The following RGSL1 variants were observed in gnomAD, a reference collection of about 807,000 sequenced individuals.
RGSL1 encodes regulator of G protein signaling like 1, also known as regulator of G protein signaling protein-like.
A neutral mutation model predicts 124.7 loss-of-function variants in RGSL1; 97 were observed. The observed-to-expected ratio is 0.78, with a 90% CI of 0.66 to 0.92. The LOEUF (loss-of-function observed/expected upper bound fraction) is 0.92. Ranked by LOEUF, RGSL1 falls within the 40% of genes least tolerant of loss-of-function variation. RGSL1 has a pLI of 0.00. For synonymous variants in RGSL1, 424 were observed against 438.1 expected (o/e 0.97, Z 0.40); for missense variants, 1,233 against 1,288.4 (o/e 0.96, Z 0.66).
chr1:182,495,596 C>T (rs758250690), intron 9 of RGSL1, among the ~76,000 whole-genome samples: 5 of 152,176 alleles, frequency 3.3e-5, no homozygotes, highest in Non-Finnish European at 5.9e-5. Context: ...TGCACAGGTT[C>T]GCCGCCAAAG....
intron 6 of RGSL1, among the ~76,000 whole-genome samples, chr1:182,487,781 G>A (rs940077735): frequency 2.0e-5 from 3 of 152,196 alleles, no homozygotes; most frequent in Non-Finnish European, 4.4e-5. Flanking sequence ...ATGAATGAAT[G>A]AATGAAACTG....
At chr1:182,555,015 C>A in intron 20 of RGSL1, 2 of 294,642 alleles carry the variant, frequency 6.8e-6, no homozygotes, top group Non-Finnish European at 1.3e-5. Flanking sequence ...TTAAGGAGTA[C>A]AAGTGCAGTT....
chr1:182,490,205 A>G (rs536786078), intron 8 of RGSL1, among the ~76,000 whole-genome samples: 7 of 152,210 alleles, frequency 4.6e-5, no homozygotes, highest in African/African-American at 9.6e-5. Context: ...TTTGAAAAAC[A>G]TGGATAAAGA....
At chr1:182,497,684 A>G (rs1457214646) in intron 9 of RGSL1, among the ~76,000 whole-genome samples, 1 of 152,194 alleles carries the variant, frequency 6.6e-6, no homozygotes, top group East Asian at 1.9e-4. Flanking sequence ...ATTGAATGTC[A>G]TCTTACTCAG....
chr1:182,477,605 G>T (rs1654395351), intron 6 of RGSL1, among the ~76,000 whole-genome samples: 1 of 152,000 alleles, frequency 6.6e-6, no homozygotes, highest in Non-Finnish European at 1.5e-5. Context: ...TTTTATCCCT[G>T]ACCACCTGTG....
chr1:182,553,509 C>T lies in RGSL1; in HGVS notation c.3098C>T (p.Pro1033Leu). ...TLLRGIEWLQPQREAISSVQN... is the reference protein window; with the variant it reads ...TLLRGIEWLQLQREAISSVQN... Reference sequence around the variant, plus strand: ...CTCAGAGGTATTGAGTGGTTGCAGCCTCAACGGGAAGCAATAAGTTCAGTT... The same window carrying T: ...CTCAGAGGTATTGAGTGGTTGCAGCTTCAACGGGAAGCAATAAGTTCAGTT... Residue 1033 changes from proline to leucine, a missense_variant, in exon 19 of 22, where the codon CCT becomes CTT. Transcript: ENST00000294854. The T allele has an allele frequency of 6.4e-7, 1 of 1,551,938 alleles. No individual in the cohort carries two copies. Among genetic ancestry groups the T allele is most frequent in the Non-Finnish European group, 8.7e-7 (1 of 1,147,028 alleles).
At chr1:182,483,993 A>C (rs1654903915) in intron 6 of RGSL1, among the ~76,000 whole-genome samples, 1 of 152,098 alleles carries the variant, frequency 6.6e-6, no homozygotes, top group Admixed American at 6.5e-5. Flanking sequence ...TCAGGTCCCT[A>C]GGGATGAGGC....
Position 182,532,788 on chromosome 1 carries a change from G to A in RGSL1, c.2491G>A (p.Glu831Lys). The change falls in exon 14 of 22, where the codon GAA (glutamate) becomes AAA (lysine). Residue 831 changes from glutamate to lysine, a missense_variant. By Grantham distance (56) the Glu-to-Lys change is moderately conservative (BLOSUM62 1). Transcript: ENST00000294854. Reference protein sequence around the residue: ...YLHQEMQNSKENFTTAHNTSG... With the variant: ...YLHQEMQNSKKNFTTAHNTSG... ...TCACCAGGAAATGCAAAATAGCAAGGAAAGTAAGTCATTTCTGTATTTACC... is the reference window on the plus strand; with the variant it reads ...TCACCAGGAAATGCAAAATAGCAAGAAAAGTAAGTCATTTCTGTATTTACC... The A allele has an allele frequency of 1.3e-6, 2 of 1,549,906 alleles. No individual in the cohort carries two copies. The highest frequency in any genetic ancestry group is 1.7e-6 in the Non-Finnish European group (2 of 1,145,868).
intron 9 of RGSL1, among the ~76,000 whole-genome samples, chr1:182,521,438 A>G (rs546007582): frequency 9.2e-5 from 14 of 152,350 alleles, no homozygotes; most frequent in African/African-American, 3.4e-4. Flanking sequence ...CCAGACACCA[A>G]TTCTGAACTT....
chr1:182,559,480 C>T (rs1403192292), intron 21 of RGSL1, among the ~76,000 whole-genome samples: 1 of 152,156 alleles, frequency 6.6e-6, no homozygotes, highest in African/African-American at 2.4e-5. Context: ...CTGCTTTTGT[C>T]GGGCCCTTGT....
chr1:182,454,412 T>G (rs1248814842), intron 2 of RGSL1, among the ~76,000 whole-genome samples: 2 of 152,280 alleles, frequency 1.3e-5, no homozygotes, highest in Non-Finnish European at 2.9e-5. Context: ...GTGTCTGTTT[T>G]CTGCCAGGAA....
intron 4 of RGSL1, among the ~76,000 whole-genome samples, chr1:182,461,554 A>G (rs549296510): frequency 2.0e-5 from 3 of 152,260 alleles, no homozygotes; most frequent in Non-Finnish European, 4.4e-5. Context: ...TCTACTAGAT[A>G]AAGACTTTAA....
intron 9 of RGSL1, among the ~76,000 whole-genome samples, chr1:182,515,394 A>G (rs992128417): frequency 2.6e-5 from 4 of 152,034 alleles, no homozygotes; most frequent in African/African-American, 9.7e-5. Context: ...TGGGACAAAA[A>G]AAGTATTTCA....
intron 15 of RGSL1, 94 bp from the exon 16 acceptor site, chr1:182,548,223 T>C: frequency 2.8e-6 from 4 of 1,417,286 alleles, no homozygotes; most frequent in Non-Finnish European, 2.9e-6. Context: ...TGGCCTTGCG[T>C]TTTTTGGGCC....
chr1:182,554,432 A>G (rs1660743899), intron 19 of RGSL1, among the ~76,000 whole-genome samples, 195 bp from the exon 20 acceptor site: 1 of 152,186 alleles, frequency 6.6e-6, no homozygotes, highest in South Asian at 2.1e-4. Flanking sequence ...ACACACACAA[A>G]CACACAAATT....
At chr1:182,512,480 C>T (rs1368412255) in intron 9 of RGSL1, among the ~76,000 whole-genome samples, 1 of 152,150 alleles carries the variant, frequency 6.6e-6, no homozygotes, top group African/African-American at 2.4e-5. Context: ...ATGCTCAAAC[C>T]CCTTATGGGA....
chr1:182,453,696 A>G (rs1342533791), intron 1 of RGSL1: 1 of 353,140 alleles, frequency 2.8e-6, no homozygotes, highest in African/African-American at 2.1e-5. Context: ...AGGAAAAAAG[A>G]AATCTACCAC....
At chr1:182,528,267 AT>A (rs1391075970) in intron 11 of RGSL1, among the ~76,000 whole-genome samples, 1 of 152,112 alleles carries the variant, frequency 6.6e-6, no homozygotes, top group African/African-American at 2.4e-5. Context: ...CCCGTGACAC[AT>A]GGGGATTATT....
chr1:182,471,163 C>T (rs1653803277), intron 4 of RGSL1: 1 of 406,972 alleles, frequency 2.5e-6, no homozygotes, highest in Admixed American at 2.6e-5. Context: ...GCTCATCTAA[C>T]TGGTCACAAT....
Sources: allele counts gnomAD v4.1 joint callset (sites outside exome capture counted in the v4.1 genomes callset), GRCh38; gene constraint gnomAD v4.1.1; transcripts MANE v1.5; gene names NCBI Gene and HGNC (gene_info 2026-07-23, HGNC 2026-07-21).